NDOR1: variants seen among roughly 807,000 people sequenced by gnomAD.
The protein encoded by NDOR1 is NADPH-dependent diflavin oxidoreductase 1.
A neutral mutation model predicts 67.2 loss-of-function variants in NDOR1; 61 were observed. That is an observed-to-expected ratio of 0.91 (90% CI 0.74 to 1.12). The LOEUF is 1.12. Among genes scored for constraint, NDOR1 ranks in the 50% most tolerant of loss-of-function variants. The pLI, the probability that NDOR1 is intolerant of heterozygous loss-of-function variation, is 0.00. For missense variants in NDOR1, 878 were observed against 802.8 expected, an observed-to-expected ratio of 1.09 and a Z score of -1.13; for synonymous variants, 378 against 343.7, an observed-to-expected ratio of 1.10 and a Z score of -1.10.
intron 1 of NDOR1, 40 bp from the exon 2 acceptor site, chr9:137,206,192 T>A: frequency 6.2e-7 from 1 of 1,612,210 alleles, no homozygotes; most frequent in Non-Finnish European, 8.5e-7. Context: ...GCCCGGTCCT[T>A]ACAGCCGGAG....
intron 2 of NDOR1, among the ~76,000 whole-genome samples, chr9:137,207,335 A>T (rs1299768763): frequency 6.6e-6 from 1 of 151,888 alleles, no homozygotes; most frequent in African/African-American, 2.4e-5. Context: ...GAATCGAGAC[A>T]GGGATGTGGG....
rs756249137 is a variant in NDOR1 at position 137,214,898 on chromosome 9, A to T, written c.945A>T (p.Glu315Asp). The T allele has an allele frequency of 1.2e-5, 19 of 1,612,162 alleles. No homozygotes were observed. In the South Asian group the frequency reaches 2.1e-4, roughly 18 times the overall value. Residue 315 changes from glutamate to aspartate, a missense_variant, in exon 8 of 14, where the codon GAA becomes GAT. Transcript: ENST00000684003. ...GCGTGCCTCGCCGCTCCTTCTTCGA[A>T]CTCCTGGCCTGTCTATCCCTCCATG... ...IASVPRRSFFELLACLSLHEL... is the reference protein window; with the variant it reads ...IASVPRRSFFDLLACLSLHEL...
At position 137,215,205 on chromosome 9, in the gene NDOR1, G is replaced by T; in HGVS notation, c.1173+3G>T. 6.2e-7 allele frequency: 1 copy of T among 1,609,462 alleles called. No individual in the cohort carries two copies. Among genetic ancestry groups the T allele is most frequent in the South Asian group, 1.1e-5 (1 of 90,620 alleles). The stretch of plus-strand genomic sequence containing the variant: ...TCTCCATCGCCTCCTCGCTGCTGGT[G>T]AGGGGCCTGGTGGTTGGAGCCCAGG... On this transcript the variant is annotated splice_donor_region_variant and intron_variant, in intron 9 of 13. Coordinates refer to ENST00000684003, the MANE Select transcript of NDOR1 (RefSeq NM_014434.4).
chr9:137,218,609 C>T lies in NDOR1; in HGVS notation c.*2193C>T. Reference sequence around the variant, plus strand: ...GGACCGCTCTGGCCGCTGAGCAGAGCCCAGGACAGCCCCGCCGCCAACAGG... The same window carrying T: ...GGACCGCTCTGGCCGCTGAGCAGAGTCCAGGACAGCCCCGCCGCCAACAGG... On this transcript the variant is annotated 3_prime_UTR_variant, in exon 14 of 14. Transcript: ENST00000684003. The T allele has an allele frequency of 2.5e-6, 1 of 398,616 alleles. No individual in the cohort carries two copies. The allele number at this position is 398,616 out of a possible 1,614,324, so 24.7% of individuals were successfully genotyped here. A position where few individuals can be genotyped will look rare whatever the true frequency, so the allele number is the denominator to read the frequency against.
chr9:137,213,907 C>T, intron 4 of NDOR1, 29 bp downstream of exon 4: 1 of 1,600,176 alleles, frequency 6.2e-7, no homozygotes, highest in Non-Finnish European at 8.5e-7. Context: ...TACCCGCCTC[C>T]ACAGTCTGGT....
rs1834921418 is a variant in NDOR1, at chr9:137,205,721, C to A, written c.-57C>A. The A allele has an allele frequency of 4.4e-6, 7 of 1,596,314 alleles. No homozygotes were observed. Among genetic ancestry groups the A allele is most frequent in the East Asian group, 2.2e-5 (1 of 44,704 alleles). On this transcript the variant is annotated 5_prime_UTR_variant, in exon 1 of 14. Transcript: ENST00000684003. Reference sequence around the variant, plus strand: ...AGGCGGAGCGGTCCCTGCAACCCGGCCGGCGGGAACTGCCTTCTAGTTTTT... The same window carrying A: ...AGGCGGAGCGGTCCCTGCAACCCGGACGGCGGGAACTGCCTTCTAGTTTTT...
chr9:137,214,517 C>T (rs77926343), intron 6 of NDOR1, 53 bp from the exon 7 acceptor site: 73,235 of 1,608,970 alleles, frequency 0.046, 2,790 homozygotes, highest in African/African-American at 0.2. Flanking sequence ...TATCCGGGGC[C>T]CCGACATCCT....
chr9:137,205,939 G>C (rs552672687), intron 1 of NDOR1, 27 bp downstream of exon 1: 2 of 1,562,644 alleles, frequency 1.3e-6, no homozygotes, highest in Non-Finnish European at 8.6e-7. Context: ...GCCTCGGCGT[G>C]GGGGACGAGC....
rs373368685 is a variant in NDOR1 at position 137,216,073 on chromosome 9, G to C, written c.1555-21G>C. On this transcript the variant is annotated intron_variant, in intron 12 of 13. Coordinates refer to ENST00000684003, the MANE Select transcript of NDOR1 (RefSeq NM_014434.4). ...GGAGGGAGCTCCGGCTCAGCCCCCA[G>C]CCCTGTTCTCTGCCCTACAGGAGCA... 1.9e-5 allele frequency: 30 copies of C among 1,613,436 alleles called. No individual in the cohort carries two copies. The African/African-American group carries it at 3.5e-4, about 19-fold the overall frequency.
Position 137,205,765 on chromosome 9 carries a change from C to G in NDOR1, c.-13C>G, listed in dbSNP as rs940875541. The G allele has an allele frequency of 1.2e-6, 2 of 1,602,598 alleles. No homozygotes were observed. The highest frequency in any genetic ancestry group is 1.7e-6 in the Non-Finnish European group (2 of 1,179,612). ...AGTTTTTAGTCTCAGACCAGACCAC[C>G]GGGCGCACCCCGATGCCGAGCCCGC... On this transcript the variant is annotated 5_prime_UTR_variant, in exon 1 of 14. Coordinates refer to ENST00000684003, the MANE Select transcript of NDOR1 (RefSeq NM_014434.4).
Position 137,212,546 on chromosome 9 carries a change from C to A in NDOR1, c.258C>A (p.Ala86=). The change falls in exon 3 of 14, where the codon GCC becomes GCA. Residue 86 remains alanine (A), a synonymous_variant. Transcript: ENST00000684003. The surrounding 1 kb of genome is among the most constrained non-coding windows in gnomAD (Gnocchi z 4.3). ...TCCGGAAGAACCTGCCCTCCACTGCCCTCTGTCAGATGGACTTTGCCGTCC... is the reference window on the plus strand; with the variant it reads ...TCCGGAAGAACCTGCCCTCCACTGCACTCTGTCAGATGGACTTTGCCGTCC... ...FIFRKNLPST[A]LCQMDFAVLG... 1.2e-6 allele frequency: 2 copies of A among 1,614,104 alleles called. No individual in the cohort carries two copies. Among genetic ancestry groups the A allele is most frequent in the Non-Finnish European group, 1.7e-6 (2 of 1,179,980 alleles).
Position 137,216,150 on chromosome 9 carries a change from A to G in NDOR1, c.1611A>G (p.Glu537=). 6.2e-7 allele frequency: 1 copy of G among 1,613,536 alleles called. No homozygotes were observed. Among genetic ancestry groups the G allele is most frequent in the Non-Finnish European group, 8.5e-7 (1 of 1,179,986 alleles). Residue 537 remains glutamate, a synonymous_variant, in exon 13 of 14, where the codon GAA becomes GAG. Coordinates refer to ENST00000684003, the MANE Select transcript of NDOR1 (RefSeq NM_014434.4). The stretch of plus-strand genomic sequence containing the variant: ...GGGAGCTGGGGTCGCTTGTGTGGGA[A>G]CTGCTGGACCGCCAGGGTGCATACT... The part of the protein sequence containing the change: ...RLRELGSLVW[E]LLDRQGAYFY...
rs1444065233 is a variant in NDOR1 at position 137,205,747 on chromosome 9, A to G, written c.-31A>G. The G allele has an allele frequency of 1.1e-5, 18 of 1,600,058 alleles. No individual in the cohort carries two copies. The highest frequency in any genetic ancestry group is 1.5e-5 in the Non-Finnish European group (18 of 1,179,344). ...CGGCGGGAACTGCCTTCTAGTTTTT[A>G]GTCTCAGACCAGACCACCGGGCGCA... On this transcript the variant is annotated 5_prime_UTR_variant, in exon 1 of 14. Coordinates refer to ENST00000684003, the MANE Select transcript of NDOR1 (RefSeq NM_014434.4).
Position 137,215,732 on chromosome 9 carries a change from C to T in NDOR1, c.1362C>T (p.Ile454=). ...CAGAGACACCAGACACACCTGTGAT[C>T]ATGGTGGGGCCTGGCACTGGGGTAG... ...AFPETPDTPV[I]MVGPGTGVAP... The change falls in exon 11 of 14, where the codon ATC becomes ATT. Residue 454 remains isoleucine, a synonymous_variant. Transcript: ENST00000684003. 6.2e-7 allele frequency: 1 copy of T among 1,602,946 alleles called. No homozygotes were observed. Among genetic ancestry groups the T allele is most frequent in the Non-Finnish European group, 8.5e-7 (1 of 1,173,648 alleles).
Position 137,216,066 on chromosome 9 carries a change from G to T in NDOR1, c.1555-28G>T, listed in dbSNP as rs764519536. The T allele has an allele frequency of 6.8e-6, 11 of 1,613,236 alleles. No individual in the cohort carries two copies. In the Admixed American group the frequency reaches 8.3e-5, roughly 12 times the overall value. ...AAGGAGGGGAGGGAGCTCCGGCTCAGCCCCCAGCCCTGTTCTCTGCCCTAC... is the reference window on the plus strand; with the variant it reads ...AAGGAGGGGAGGGAGCTCCGGCTCATCCCCCAGCCCTGTTCTCTGCCCTAC... On this transcript the variant is annotated intron_variant, in intron 12 of 13. Coordinates refer to ENST00000684003, the MANE Select transcript of NDOR1 (RefSeq NM_014434.4).
At chr9:137,213,026 A>G (rs1031564313) in intron 3 of NDOR1, among the ~76,000 whole-genome samples, 11 of 152,186 alleles carry the variant, frequency 7.2e-5, no homozygotes, top group African/African-American at 1.9e-4. Flanking sequence ...TCAGTGTGCA[A>G]ATGGCATCTT....
At chr9:137,214,520 G>A (rs764213624) in intron 6 of NDOR1, 50 bp from the exon 7 acceptor site, 58 of 1,608,922 alleles carry the variant, frequency 3.6e-5, no homozygotes, top group African/African-American at 1.2e-4. Context: ...CCGGGGCCCC[G>A]ACATCCTCCC....
rs1031411756 is a variant in NDOR1 at position 137,216,480 on chromosome 9, G to C, written c.*64G>C. On this transcript the variant is annotated 3_prime_UTR_variant, in exon 14 of 14. Coordinates refer to ENST00000684003, the MANE Select transcript of NDOR1 (RefSeq NM_014434.4). ...CCTGGGAGCCCAGGAAGGCATCCAC[G>C]AGGGAGCTCCTGGCCAGCAGCCGTC... 4 of 1,548,302 alleles carry C rather than the reference G, an allele frequency of 2.6e-6. No homozygotes were observed. The highest frequency in any genetic ancestry group is 3.5e-6 in the Non-Finnish European group (4 of 1,152,436).
intron 10 of NDOR1, 63 bp from the exon 11 acceptor site, chr9:137,215,596 A>G: frequency 1.3e-6 from 2 of 1,595,106 alleles, no homozygotes; most frequent in South Asian, 1.1e-5. Context: ...ATGCTGGGCT[A>G]GGGCCCCAGC....
Sources: gnomAD v4.1 joint callset for allele counts (sites outside exome capture counted in the v4.1 genomes callset) on GRCh38, gnomAD v4.1.1 for gene constraint, Gnocchi (gnomAD v3.1) non-coding constraint, MANE v1.5 for transcripts, NCBI Gene and HGNC (gene_info 2026-07-23, HGNC 2026-07-21) for gene names.